THSD7B: variants seen among roughly 807,000 people sequenced by gnomAD.
THSD7B encodes thrombospondin type 1 domain containing 7B, also known as thrombospondin type-1 domain-containing protein 7B.
Under a neutral mutation model 213.6 loss-of-function variants are expected in THSD7B, and 138 were observed. The ratio of observed to expected loss-of-function variants is 0.65; its 90% CI spans 0.56 to 0.74. The LOEUF (loss-of-function observed/expected upper bound fraction) is 0.74. THSD7B is among the 30% of genes least tolerant of loss of function. The pLI is 0.00. For synonymous variants in THSD7B, 742 were observed against 687.0 expected (o/e 1.08, Z -1.25); for missense variants, 1,931 against 1,991.5 (o/e 0.97, Z 0.58).
At chr2:137,360,922 T>C (rs1471255021) in intron 12 of THSD7B, among the ~76,000 whole-genome samples, 1 of 152,202 alleles carries the variant, frequency 6.6e-6, no homozygotes. Context: ...CCCTGAGCCC[T>C]GTGTAGCTTA....
At chr2:137,183,906 A>T (rs951372133) in intron 7 of THSD7B, among the ~76,000 whole-genome samples, 2 of 152,196 alleles carry the variant, frequency 1.3e-5, no homozygotes, top group Non-Finnish European at 2.9e-5. Flanking sequence ...TCATACAATA[A>T]GGATGAAAAA....
intron 7 of THSD7B, among the ~76,000 whole-genome samples, chr2:137,204,159 A>C (rs1680935131): frequency 6.6e-6 from 1 of 152,096 alleles, no homozygotes; most frequent in Admixed American, 6.6e-5. Flanking sequence ...TGGCACCTGG[A>C]GTGGGCACCA....
intron 15 of THSD7B, among the ~76,000 whole-genome samples, chr2:137,562,840 T>TTG (rs1681151126): frequency 2.0e-5 from 3 of 152,124 alleles, no homozygotes; most frequent in Admixed American, 2.0e-4. Context: ...TTTGTTTCAA[T>TTG]TGACATGTTA....
At chr2:136,998,252 C>G (rs1174702743) in intron 2 of THSD7B, among the ~76,000 whole-genome samples, 2 of 76,334 alleles carry the variant, frequency 2.6e-5, no homozygotes, top group Admixed American at 1.9e-4. Context: ...TGGAAAGAGA[C>G]TAAAAGGCCA....
rs117477191 is a variant in THSD7B at position 137,296,653 on chromosome 2, A to G, written c.2500+20627A>G. Reference sequence around the variant, plus strand: ...TTGAATGCTAAATGACAGTTTTTACAAGCAAATACTCCACACATGTAGTTT... The same window carrying G: ...TTGAATGCTAAATGACAGTTTTTACGAGCAAATACTCCACACATGTAGTTT... On this transcript the variant is annotated intron_variant, in intron 12 of 27. Coordinates refer to ENST00000409968, the MANE Select transcript of THSD7B (RefSeq NM_001316349.2). 5.8e-3 allele frequency among the ~76,000 whole-genome samples: 881 copies of G among 152,292 alleles called. 17 individuals carry two copies. Among genetic ancestry groups the G allele is most frequent in the East Asian group, 0.034 (177 of 5,190 alleles).
intron 5 of THSD7B, among the ~76,000 whole-genome samples, chr2:137,150,057 C>T (rs1204286248): frequency 1.3e-5 from 2 of 151,948 alleles, no homozygotes; most frequent in Non-Finnish European, 2.9e-5. Context: ...GCCTGACCAA[C>T]ATGGAGAAAA....
intron 2 of THSD7B, among the ~76,000 whole-genome samples, chr2:137,036,258 T>A (rs768694507): frequency 6.6e-6 from 1 of 152,182 alleles, no homozygotes; most frequent in African/African-American, 2.4e-5. Flanking sequence ...TCCTTATGCT[T>A]CCTGCTTAAT....
At position 137,642,637 on chromosome 2, in the gene THSD7B, G is replaced by A; in HGVS notation, c.3945+4G>A. The A allele has an allele frequency of 1.2e-6, 2 of 1,613,184 alleles. No individual in the cohort carries two copies. The highest frequency in any genetic ancestry group is 1.7e-6 in the Non-Finnish European group (2 of 1,179,604). ...CTGGTCTGCATGTAAATTGGAGGTA[G>A]GTCATGTAATGACAGTTAGAGAAAT... On this transcript the variant is annotated splice_donor_region_variant and intron_variant, in intron 21 of 27. Transcript: ENST00000409968.
intron 15 of THSD7B, among the ~76,000 whole-genome samples, chr2:137,478,021 T>C (rs1305197680): frequency 6.6e-6 from 1 of 152,138 alleles, no homozygotes; most frequent in African/African-American, 2.4e-5. Context: ...AATTCTCTTT[T>C]TCTTTTTTGT....
chr2:137,629,262 T>C (rs1205995108), intron 20 of THSD7B, among the ~76,000 whole-genome samples: 3 of 152,152 alleles, frequency 2.0e-5, no homozygotes, highest in Admixed American at 6.5e-5. Flanking sequence ...TTATCCAAGA[T>C]TGTGTTCAAT....
At chr2:136,888,608 T>G (rs947716489) in intron 2 of THSD7B, among the ~76,000 whole-genome samples, 1 of 152,136 alleles carries the variant, frequency 6.6e-6, no homozygotes, top group African/African-American at 2.4e-5. Flanking sequence ...CTAAGAGGCA[T>G]GAGTGTTAAA....
chr2:137,133,233 T>C (rs1226957728), intron 5 of THSD7B, among the ~76,000 whole-genome samples: 4 of 152,160 alleles, frequency 2.6e-5, no homozygotes, highest in Non-Finnish European at 5.9e-5. Flanking sequence ...AAATTCCTCA[T>C]GTAGTAAGGC....
At chr2:137,294,147 C>T (rs1473188833) in intron 12 of THSD7B, among the ~76,000 whole-genome samples, 10 of 150,898 alleles carry the variant, frequency 6.6e-5, no homozygotes, top group East Asian at 5.8e-4. Flanking sequence ...TTGGTTAACT[C>T]GTCTCTCTCT....
At chr2:136,793,325 A>C (rs1682000465) in intron 1 of THSD7B, among the ~76,000 whole-genome samples, 1 of 151,994 alleles carries the variant, frequency 6.6e-6, no homozygotes, top group Non-Finnish European at 1.5e-5. Context: ...CATTGCCTAC[A>C]TGACTAATGA....
intron 3 of THSD7B, among the ~76,000 whole-genome samples, chr2:137,072,313 G>C (rs903283307): frequency 1.3e-5 from 2 of 152,062 alleles, no homozygotes; most frequent in African/African-American, 4.8e-5. Context: ...TCCTTGAAGA[G>C]GTCCTTCACA....
intron 15 of THSD7B, among the ~76,000 whole-genome samples, chr2:137,527,825 C>T (rs1367265790): frequency 1.3e-5 from 2 of 152,088 alleles, no homozygotes; most frequent in African/African-American, 4.8e-5. Flanking sequence ...GGACAGCACT[C>T]TGGAGCAAGC....
intron 26 of THSD7B, among the ~76,000 whole-genome samples, chr2:137,663,922 G>GCTTA (rs1683400021): frequency 6.6e-6 from 1 of 152,054 alleles, no homozygotes; most frequent in Non-Finnish European, 1.5e-5. Context: ...TGTGATCTCG[G>GCTTA]CTTACTGCGA....
At chr2:137,228,817 T>C (rs1470728099) in intron 7 of THSD7B, among the ~76,000 whole-genome samples, 6 of 152,218 alleles carry the variant, frequency 3.9e-5, no homozygotes, top group Non-Finnish European at 8.8e-5. Flanking sequence ...TCTTCATCAT[T>C]AATCATGAGC....
Position 137,620,612 on chromosome 2 carries a change from A to T in THSD7B, c.3685A>T (p.Asn1229Tyr). Residue 1229 changes from asparagine (N) to tyrosine (Y), a missense_variant, in exon 20 of 28, where the codon AAT becomes TAT. Physicochemically the swap from Asn to Tyr is moderately radical, Grantham distance 143. Transcript: ENST00000409968. The stretch of plus-strand genomic sequence containing the variant: ...TGTGTTTCATTTCCATTTGCAGCAT[A>T]ATTTGGAGAAGCCCCAGAGAATGAG... ...PVSMDQCEQH[N>Y]LEKPQRMSIP... is the part of the protein sequence containing the mutation. 1 of 1,611,894 alleles carries T rather than the reference A, an allele frequency of 6.2e-7. No individual in the cohort carries two copies. Among genetic ancestry groups the T allele is most frequent in the Non-Finnish European group, 8.5e-7 (1 of 1,178,364 alleles).
Sources: gnomAD v4.1 joint callset for allele counts (sites outside exome capture counted in the v4.1 genomes callset) on GRCh38, gnomAD v4.1.1 for gene constraint, MANE v1.5 for transcripts, NCBI Gene and HGNC (gene_info 2026-07-23, HGNC 2026-07-21) for gene names.